The following HTR1E variants were observed in gnomAD, a reference collection of about 807,000 sequenced individuals.
HTR1E encodes the protein 5-hydroxytryptamine receptor 1E.
In HTR1E, 3 loss-of-function variants were observed where a neutral mutation model predicts 3.4. The observed-to-expected ratio is 0.89, with a 90% CI of 0.41 to 2.31. HTR1E has a LOEUF of 2.31. HTR1E is among the 30% of genes most tolerant of loss of function. The probability of loss-of-function intolerance (pLI) is 0.05; values close to 1 mark genes in which losing one functional copy is unlikely to be tolerated. For synonymous variants in HTR1E, 170 were observed against 182.8 expected (o/e 0.93, Z 0.56); for missense variants, 392 against 467.0 (o/e 0.84, Z 1.48).
At chr6:86,970,891 C>A in intron 1 of HTR1E, 1 of 282,814 alleles carries the variant, frequency 3.5e-6, no homozygotes, top group Non-Finnish European at 6.8e-6. Context: ...GGTACCCAAA[C>A]CTGAAGTCAG....
chr6:86,987,920 C>A (rs765555693), intron 1 of HTR1E, among the ~76,000 whole-genome samples: 1 of 152,240 alleles, frequency 6.6e-6, no homozygotes, highest in East Asian at 1.9e-4. Context: ...AAGGCTCCAC[C>A]TTTTAGTACT....
At position 86,982,245 on chromosome 6, in the gene HTR1E, C is replaced by A. The variant is rs1767726161; in HGVS notation, c.-185-32905C>A. On this transcript the variant is annotated intron_variant, in intron 1 of 1. Transcript: ENST00000305344. ...CACCATAATTACCCAATTATCTAAA[C>A]ACCCTACTCCCTACTTCAACTGTCT... 2.0e-5 allele frequency among the ~76,000 whole-genome samples: 3 copies of A among 152,218 alleles called. No homozygotes were observed. In the East Asian group the frequency reaches 5.8e-4, roughly 29 times the overall value.
intron 1 of HTR1E, among the ~76,000 whole-genome samples, chr6:86,993,648 C>T (rs1767899257): frequency 6.6e-6 from 1 of 151,868 alleles, no homozygotes; most frequent in African/African-American, 2.4e-5. Context: ...TGCATGGCAG[C>T]AATCATCCAG....
At chr6:87,009,086 T>C (rs997319742) in intron 1 of HTR1E, among the ~76,000 whole-genome samples, 5 of 151,558 alleles carry the variant, frequency 3.3e-5, no homozygotes, top group Non-Finnish European at 5.9e-5. Flanking sequence ...TTTTTATTGA[T>C]AATTCTTGGG....
chr6:86,945,645 C>T (rs1768605742), intron 1 of HTR1E, among the ~76,000 whole-genome samples: 1 of 151,928 alleles, frequency 6.6e-6, no homozygotes, highest in South Asian at 2.1e-4. Flanking sequence ...TATAGCTATA[C>T]AATGTGTTTT....
intron 1 of HTR1E, among the ~76,000 whole-genome samples, chr6:86,979,631 A>G (rs1296721448): frequency 1.3e-5 from 2 of 152,220 alleles, no homozygotes; most frequent in African/African-American, 4.8e-5. Flanking sequence ...ACATGTAATG[A>G]CAATATATTG....
intron 1 of HTR1E, among the ~76,000 whole-genome samples, chr6:87,010,144 G>A (rs1326798154): frequency 1.4e-4 from 14 of 99,458 alleles, no homozygotes; most frequent in Middle Eastern, 9.3e-3. Context: ...CCGGGCAGAG[G>A]CGCCCCTCAC....
rs1267670291 is a variant in HTR1E at position 87,009,667 on chromosome 6, C to T, written c.-185-5483C>T. Among the ~76,000 whole-genome samples, 18 of 147,474 alleles carry T rather than the reference C, an allele frequency of 1.2e-4. No individual in the cohort carries two copies. The South Asian group carries it at 1.3e-3, about 11-fold the overall frequency. ...GCAGAGGCGCCCCTCACCTCCCGGA[C>T]GGGGCGGCTGGCCGGGCGGGGGGCC... On this transcript the variant is annotated intron_variant, in intron 1 of 1. Transcript: ENST00000305344.
At chr6:86,989,297 G>C (rs1767841228) in intron 1 of HTR1E, among the ~76,000 whole-genome samples, 1 of 152,102 alleles carries the variant, frequency 6.6e-6, no homozygotes, top group African/African-American at 2.4e-5. Context: ...ATTCTACCTT[G>C]AACATATTGA....
chr6:87,016,014 CA>C lies in HTR1E; in HGVS notation c.681del (p.Asp228IlefsTer45). 1 of 1,614,216 alleles carries C rather than the reference CA, an allele frequency of 6.2e-7. No homozygotes were observed. The highest frequency in any genetic ancestry group is 8.5e-7 in the Non-Finnish European group (1 of 1,180,042). ...AGTCGGCACTTAAGCAACAGAAGCA[CA>C]GATAGCCAGAATTCTTTTGCAAGTT... ...GSSRHLSNRS[T>X]DSQNSFASCK... On this transcript the variant is annotated frameshift_variant, in exon 2 of 2. Transcript: ENST00000305344. LOFTEE classifies it low-confidence loss of function (END_TRUNC).
chr6:87,005,913 T>C (rs1357870670), intron 1 of HTR1E, among the ~76,000 whole-genome samples: 1 of 152,144 alleles, frequency 6.6e-6, no homozygotes, highest in Admixed American at 6.5e-5. Flanking sequence ...AATCTGATTT[T>C]AAAACAGGCA....
intron 1 of HTR1E, among the ~76,000 whole-genome samples, chr6:86,951,343 TTTG>T: frequency 6.6e-6 from 1 of 152,194 alleles, no homozygotes; most frequent in Non-Finnish European, 1.5e-5. Flanking sequence ...CTTTGAAATA[TTTG>T]TTTTCTTTTC....
At chr6:86,976,565 C>T (rs117489663) in intron 1 of HTR1E, among the ~76,000 whole-genome samples, 2,144 of 152,316 alleles carry the variant, frequency 0.014, 33 homozygotes, top group Middle Eastern at 0.031. Flanking sequence ...CACACATCAA[C>T]ATCTCCAAGA....
In HTR1E at chr6:86,970,245, G is replaced by A. The variant is rs969451692; in HGVS notation, c.-186+32422G>A. Among the ~76,000 whole-genome samples the A allele has an allele frequency of 3.9e-5, 6 of 152,208 alleles. No individual in the cohort carries two copies. The East Asian group carries it at 9.6e-4, about 24-fold the overall frequency. Reference sequence around the variant, plus strand: ...GGGAAGAAAAAGGAATAAATAATACGACAAAGTTCTTTTAAATCCTAAAGT... The same window carrying A: ...GGGAAGAAAAAGGAATAAATAATACAACAAAGTTCTTTTAAATCCTAAAGT... On this transcript the variant is annotated intron_variant, in intron 1 of 1. Transcript: ENST00000305344.
chr6:86,943,507 C>T (rs144046672), intron 1 of HTR1E, among the ~76,000 whole-genome samples: 1 of 152,312 alleles, frequency 6.6e-6, no homozygotes, highest in African/African-American at 2.4e-5. Context: ...GACAATAATA[C>T]ATGCCCTGTC....
intron 1 of HTR1E, among the ~76,000 whole-genome samples, chr6:86,974,093 T>A (rs1767596686): frequency 6.6e-6 from 1 of 152,200 alleles, no homozygotes; most frequent in Admixed American, 6.5e-5. Context: ...TTTTCCCTCC[T>A]TTGATTTTTA....
At chr6:86,952,276 G>C (rs1219250933) in intron 1 of HTR1E, among the ~76,000 whole-genome samples, 1 of 152,040 alleles carries the variant, frequency 6.6e-6, no homozygotes, top group African/African-American at 2.4e-5. Context: ...AAACCAACAA[G>C]CATCTCTCAC....
intron 1 of HTR1E, among the ~76,000 whole-genome samples, chr6:86,995,292 T>TAATTAATAAATAAATA (rs71553488): frequency 2.1e-5 from 3 of 144,074 alleles, no homozygotes; most frequent in African/African-American, 7.9e-5. Context: ...CTCTATAATA[T>TAATTAATAAATAAATA]AATAAATAAA....
chr6:86,938,837 A>G (rs1256709500), intron 1 of HTR1E, among the ~76,000 whole-genome samples: 2 of 152,240 alleles, frequency 1.3e-5, no homozygotes, highest in Non-Finnish European at 2.9e-5. Context: ...CAAAGCTCTA[A>G]GCAGTACATC....
Sources: allele counts gnomAD v4.1 joint callset (sites outside exome capture counted in the v4.1 genomes callset), GRCh38; gene constraint gnomAD v4.1.1; transcripts MANE v1.5; gene names NCBI Gene and HGNC (gene_info 2026-07-23, HGNC 2026-07-21).